The following HADH variants were observed in gnomAD, a reference collection of about 807,000 sequenced individuals.
The protein encoded by HADH is hydroxyacyl-CoA dehydrogenase.
Under a neutral mutation model 32.2 loss-of-function variants are expected in HADH, and 24 were observed. The ratio of observed to expected loss-of-function variants is 0.75; its 90% confidence interval spans 0.54 to 1.05. The LOEUF (loss-of-function observed/expected upper bound fraction) is 1.05. Ranked by LOEUF, HADH falls within the 50% of genes least tolerant of loss-of-function variation. The pLI, the probability that HADH is intolerant of heterozygous loss-of-function variation, is 0.00. For synonymous variants in HADH, 139 were observed against 152.5 expected (o/e 0.91, Z 0.65); for missense variants, 350 against 397.1 (o/e 0.88, Z 1.01).
chr4:108,027,116 T>A (rs1224172614), intron 5 of HADH: 1 of 177,818 alleles, frequency 5.6e-6, no homozygotes, highest in Non-Finnish European at 1.2e-5. Context: ...ACCTGAGAAG[T>A]TGCTGAGTAG....
At chr4:108,013,042 C>T (rs1735555620) in intron 2 of HADH, among the ~76,000 whole-genome samples, 1 of 152,202 alleles carries the variant, frequency 6.6e-6, no homozygotes, top group Non-Finnish European at 1.5e-5. Flanking sequence ...ACGCCATTCT[C>T]CTGCCTCAGC....
chr4:107,998,929 A>G (rs1180825275), intron 1 of HADH, among the ~76,000 whole-genome samples: 1 of 152,194 alleles, frequency 6.6e-6, no homozygotes, highest in Non-Finnish European at 1.5e-5. Context: ...TGGCTAAAAC[A>G]TTTGAGAGCC....
chr4:108,019,447 G>A, intron 3 of HADH, 93 bp from the exon 4 acceptor site: 1 of 1,106,048 alleles, frequency 9.0e-7, no homozygotes, highest in Non-Finnish European at 1.4e-6. Flanking sequence ...AGATGTGGCA[G>A]TAAGCAGTCA....
chr4:108,011,457 C>G (rs535855251), intron 2 of HADH, among the ~76,000 whole-genome samples: 41 of 152,278 alleles, frequency 2.7e-4, no homozygotes, highest in Admixed American at 2.4e-3. Flanking sequence ...AATTACCCCC[C>G]ACTGGGCCCC....
In HADH at chr4:107,992,556, A is replaced by G. The variant is rs1734845362; in HGVS notation, c.132+2492A>G. ...ATTAGTTGATGTGTTTTGAGTACAG[A>G]TGGGCTACAGTTCAATATAAGAAGT... On this transcript the variant is annotated intron_variant, in intron 1 of 7. Coordinates refer to ENST00000309522, the MANE Select transcript of HADH (RefSeq NM_005327.7). Among the ~76,000 whole-genome samples, 4 of 152,260 alleles carry G rather than the reference A, an allele frequency of 2.6e-5. No individual in the cohort carries two copies. In the Middle Eastern group the frequency reaches 0.01, roughly 391 times the overall value.
intron 1 of HADH, among the ~76,000 whole-genome samples, chr4:107,998,723 T>C (rs1735028276): frequency 6.6e-6 from 1 of 152,122 alleles, no homozygotes; most frequent in East Asian, 1.9e-4. Context: ...GTTCTTTTTG[T>C]TTTTTTGTTT....
chr4:107,994,268 G>A (rs1029081939), intron 1 of HADH, among the ~76,000 whole-genome samples: 2 of 151,970 alleles, frequency 1.3e-5, no homozygotes, highest in African/African-American at 4.8e-5. Context: ...AAAGCAGAAA[G>A]TGCATATTTT....
Position 108,033,246 on chromosome 4 carries a change from G to T in HADH, c.780G>T (p.Glu260Asp). The T allele has an allele frequency of 6.2e-7, 1 of 1,607,234 alleles. No individual in the cohort carries two copies. The highest frequency in any genetic ancestry group is 8.5e-7 in the Non-Finnish European group (1 of 1,173,726). ...LGAGYPMGPF[E>D]LLDYVGLDTT... ...CCGGTTACCCCATGGGCCCATTTGA[G>T]CTTCTAGATTATGTCGGACTGGATA... Residue 260 changes from glutamate to aspartate, a missense_variant, in exon 7 of 8, where the codon GAG becomes GAT. Glu to Asp is a conservative substitution (Grantham distance 45, BLOSUM62 2). Transcript: ENST00000309522.
At chr4:108,018,429 A>AT (rs146042699) in intron 3 of HADH, among the ~76,000 whole-genome samples, 5,692 of 150,690 alleles carry the variant, frequency 0.038, 195 homozygotes, top group African/African-American at 0.087. Flanking sequence ...AAACAATGTC[A>AT]TTTTTTTTTT....
chr4:107,997,851 G>C (rs978404051), intron 1 of HADH, among the ~76,000 whole-genome samples: 4 of 152,082 alleles, frequency 2.6e-5, no homozygotes, highest in African/African-American at 9.7e-5. Context: ...TTTTTTTGCA[G>C]TTCATTTCTC....
Position 107,989,957 on chromosome 4 carries a change from A to T in HADH, c.25A>T (p.Met9Leu). MAFVTRQF[M>L]RSVSSSSTAS... ...CATGGCCTTCGTCACCAGGCAGTTC[A>T]TGCGTTCCGTGTCCTCCTCGTCCAC... Residue 9 changes from methionine to leucine, a missense_variant, in exon 1 of 8, where the codon ATG becomes TTG. By Grantham distance (15) the Met-to-Leu change is conservative. Transcript: ENST00000309522. 3 of 1,613,022 alleles carry T rather than the reference A, an allele frequency of 1.9e-6. No individual in the cohort carries two copies. Among genetic ancestry groups the T allele is most frequent in the Non-Finnish European group, 2.5e-6 (3 of 1,179,670 alleles).
intron 1 of HADH, chr4:108,004,778 G>A (rs1329999456): frequency 5.9e-6 from 9 of 1,535,836 alleles, no homozygotes; most frequent in South Asian, 1.2e-5. Flanking sequence ...AAGAACATGT[G>A]TAGGACAGCC....
intron 1 of HADH, among the ~76,000 whole-genome samples, chr4:108,008,541 C>T (rs747594365): frequency 6.6e-6 from 1 of 152,160 alleles, no homozygotes; most frequent in Non-Finnish European, 1.5e-5. Flanking sequence ...GTTTCTTTTA[C>T]TCATTGGTTT....
In HADH at chr4:108,032,681, G is replaced by A. The variant is rs1736312008; in HGVS notation, c.710-495G>A. 10 of 344,690 alleles carry A rather than the reference G, an allele frequency of 2.9e-5. 1 individual carries two copies. The South Asian group carries it at 4.1e-4, about 14-fold the overall frequency. The allele number at this position is 344,690 out of a possible 1,614,324, so 21.4% of individuals were successfully genotyped here. A position where few individuals can be genotyped will look rare whatever the true frequency, so the allele number is the denominator to read the frequency against. On this transcript the variant is annotated intron_variant, in intron 6 of 7. Coordinates refer to ENST00000309522, the MANE Select transcript of HADH (RefSeq NM_005327.7). ...GTACTCCAAAATTCACCTCAGTGGT[G>A]CGTAGCTTTGAAAATCTTGGGCCAC...
intron 1 of HADH, among the ~76,000 whole-genome samples, chr4:107,992,806 T>G (rs942111253): frequency 1.3e-5 from 2 of 152,178 alleles, no homozygotes; most frequent in Admixed American, 6.5e-5. Context: ...TCACAGAAAG[T>G]TAGCTGCCTT....
chr4:108,030,589 A>C (rs1036341920), intron 6 of HADH: 3 of 152,328 alleles, frequency 2.0e-5, no homozygotes, highest in African/African-American at 7.2e-5. Flanking sequence ...CCAGCCCCTC[A>C]GCTGTGCTGA....
intron 1 of HADH, among the ~76,000 whole-genome samples, chr4:107,996,477 AC>A (rs1329738604): frequency 1.3e-5 from 2 of 152,186 alleles, no homozygotes; most frequent in Non-Finnish European, 2.9e-5. Context: ...TTAAAAAAAA[AC>A]TATGTAACAC....
intron 2 of HADH, among the ~76,000 whole-genome samples, chr4:108,013,006 C>T (rs1234884386): frequency 2.0e-5 from 3 of 152,208 alleles, no homozygotes; most frequent in Admixed American, 6.5e-5. Context: ...GATGTCGGCT[C>T]ACTGCAAGCT....
At chr4:108,031,791 T>A (rs1326171611) in intron 6 of HADH, 1 of 152,258 alleles carries the variant, frequency 6.6e-6, no homozygotes, top group Non-Finnish European at 1.5e-5. Context: ...GCTTGTCTGG[T>A]TTATCTTTGT....
Sources: allele counts gnomAD v4.1 joint callset (sites outside exome capture counted in the v4.1 genomes callset), GRCh38; gene constraint gnomAD v4.1.1; transcripts MANE v1.5; gene names NCBI Gene and HGNC (gene_info 2026-07-23, HGNC 2026-07-21).